SPATA21: variants seen among roughly 807,000 people sequenced by gnomAD.
The protein encoded by SPATA21 is spermatogenesis-associated protein 21.
Under a neutral mutation model 54.8 loss-of-function variants are expected in SPATA21, and 47 were observed. The observed-to-expected ratio is 0.86, with a 90% confidence interval of 0.68 to 1.09. SPATA21 has a LOEUF of 1.09. SPATA21 is among the 50% of genes least tolerant of loss of function. SPATA21 has a pLI of 0.00. For missense variants in SPATA21, 599 were observed against 596.4 expected (o/e 1.00, Z -0.05); for synonymous variants, 245 against 235.3 (o/e 1.04, Z -0.38).
At position 16,430,305 on chromosome 1, in the gene SPATA21, C is replaced by T. The variant is rs563794530; in HGVS notation, c.34+1033G>A. On this transcript the variant is annotated intron_variant, in intron 3 of 12. Coordinates refer to ENST00000335496, the MANE Select transcript of SPATA21 (RefSeq NM_198546.1). Reference sequence around the variant, plus strand: ...TAGTTGGGTATGGTGGCACAAGCCACGCCTATAGTTCCAGCTACTCAGGAG... The same window carrying T: ...TAGTTGGGTATGGTGGCACAAGCCATGCCTATAGTTCCAGCTACTCAGGAG... 3.3e-5 allele frequency among the ~76,000 whole-genome samples: 5 copies of T among 151,284 alleles called. No homozygotes were observed. The South Asian group carries it at 6.3e-4, about 19-fold the overall frequency.
intron 5 of SPATA21, among the ~76,000 whole-genome samples, chr1:16,410,569 C>T (rs552043405): frequency 6.6e-6 from 1 of 152,264 alleles, no homozygotes; most frequent in South Asian, 2.1e-4. Context: ...CACCACCATG[C>T]CCAGCTAATT....
intron 11 of SPATA21, among the ~76,000 whole-genome samples, chr1:16,399,900 G>A (rs1054154245): frequency 2.6e-5 from 4 of 152,174 alleles, no homozygotes; most frequent in Non-Finnish European, 5.9e-5. Context: ...AATGGTACCT[G>A]GGGGAAGGGA....
chr1:16,407,237 G>A (rs2085672688), intron 7 of SPATA21, among the ~76,000 whole-genome samples: 1 of 152,176 alleles, frequency 6.6e-6, no homozygotes. Context: ...AAAAACCAGA[G>A]CAACTCTCAG....
chr1:16,413,011 T>C (rs533002063), intron 5 of SPATA21, among the ~76,000 whole-genome samples: 29 of 152,032 alleles, frequency 1.9e-4, no homozygotes, highest in Admixed American at 7.2e-4. Flanking sequence ...CTGGATCTCC[T>C]GACCTCTTGA....
rs755437172 is a variant in SPATA21 at position 16,404,061 on chromosome 1, G to A, written c.812-22C>T. 7.1e-6 allele frequency: 11 copies of A among 1,550,894 alleles called. No individual in the cohort carries two copies. The South Asian group carries it at 1.3e-4, about 18-fold the overall frequency. ...TCTCCTGTGGAGGCCAGAGGAGTAGGGTGGGCAGGGACCTTCGGAGCAGGT... is the reference window on the plus strand; with the variant it reads ...TCTCCTGTGGAGGCCAGAGGAGTAGAGTGGGCAGGGACCTTCGGAGCAGGT... On this transcript the variant is annotated intron_variant, in intron 8 of 12. Coordinates refer to ENST00000335496, the MANE Select transcript of SPATA21 (RefSeq NM_198546.1).
chr1:16,421,574 C>A lies in SPATA21; in HGVS notation c.96-17G>T. The A allele has an allele frequency of 6.2e-7, 1 of 1,611,372 alleles. No individual in the cohort carries two copies. Among genetic ancestry groups the A allele is most frequent in the Non-Finnish European group, 8.5e-7 (1 of 1,178,984 alleles). On this transcript the variant is annotated splice_polypyrimidine_tract_variant and intron_variant, in intron 4 of 12. Transcript: ENST00000335496. This position sits in a 1 kb window ranked among gnomAD's most constrained non-coding sequence, Gnocchi z 5.2. The stretch of plus-strand genomic sequence containing the variant: ...GCCTCACCCCTGAATAGAAGAGAAA[C>A]CCCCAGGTGGGGGAAGCGCTCAGCT...
chr1:16,426,471 T>C (rs562509483), intron 3 of SPATA21, among the ~76,000 whole-genome samples: 67 of 147,654 alleles, frequency 4.5e-4, no homozygotes, highest in African/African-American at 1.5e-3. Flanking sequence ...GTTGTCCAGG[T>C]TGGTCTTGAA....
intron 10 of SPATA21, among the ~76,000 whole-genome samples, chr1:16,401,195 C>T (rs1570083581): frequency 2.0e-5 from 3 of 152,124 alleles, no homozygotes; most frequent in Non-Finnish European, 4.4e-5. Flanking sequence ...GTTCACATGC[C>T]GTAGGATTAA....
At chr1:16,415,336 C>CAA (rs35407415) in intron 5 of SPATA21, among the ~76,000 whole-genome samples, 5 of 149,600 alleles carry the variant, frequency 3.3e-5, no homozygotes, top group Admixed American at 6.7e-5. Context: ...ATGTGACCCT[C>CAA]AAAAAAAAAA....
intron 5 of SPATA21, chr1:16,410,796 T>A: frequency 2.6e-6 from 1 of 391,286 alleles, no homozygotes; most frequent in Non-Finnish European, 5.2e-6. Flanking sequence ...ATCCTCCGCC[T>A]TGGCCTCCCA....
At chr1:16,417,433 GT>G (rs1278491364) in intron 5 of SPATA21, among the ~76,000 whole-genome samples, 1 of 143,502 alleles carries the variant, frequency 7.0e-6, no homozygotes, top group Non-Finnish European at 1.5e-5. Context: ...TAATTTTTTT[GT>G]GGGCTTTTTT....
At chr1:16,399,977 A>G (rs959172625) in intron 11 of SPATA21, among the ~76,000 whole-genome samples, 2 of 152,092 alleles carry the variant, frequency 1.3e-5, no homozygotes, top group Non-Finnish European at 2.9e-5. Flanking sequence ...TCCCCTTTCC[A>G]AAACACTAGT....
In SPATA21 at chr1:16,427,805, C is replaced by T. The variant is rs967996063; in HGVS notation, c.34+3533G>A. The T allele has an allele frequency of 4.0e-5, 60 of 1,497,060 alleles. 1 individual carries two copies. Among genetic ancestry groups the T allele is most frequent in the African/African-American group, 3.9e-4 (28 of 71,844 alleles). The allele number at this position is 1,497,060 out of a possible 1,614,324, so 92.7% of individuals were successfully genotyped here. On this transcript the variant is annotated intron_variant, in intron 3 of 12. Transcript: ENST00000335496. The stretch of plus-strand genomic sequence containing the variant: ...TTCTCCATTCTCTCTCTCTCCCCCG[C>T]GGGTGGGCTACAGGGGGTTCTCTCT...
intron 3 of SPATA21, chr1:16,427,917 C>T: frequency 6.5e-7 from 1 of 1,550,248 alleles, no homozygotes; most frequent in Non-Finnish European, 8.7e-7. Flanking sequence ...AAGGCCCCTT[C>T]TCAAATGCAT....
At chr1:16,424,407 T>A (rs984006890) in intron 3 of SPATA21, among the ~76,000 whole-genome samples, 16 of 151,062 alleles carry the variant, frequency 1.1e-4, no homozygotes, top group African/African-American at 2.2e-4. Context: ...TTTTAAAATT[T>A]TTTATTTATT....
intron 3 of SPATA21, among the ~76,000 whole-genome samples, chr1:16,429,427 GCTGA>G (rs2086402212): frequency 6.6e-6 from 1 of 151,926 alleles, no homozygotes; most frequent in African/African-American, 2.4e-5. Context: ...ATGGCACCTG[GCTGA>G]CTTTTTATTT....
rs951937582 is a variant in SPATA21, at chr1:16,403,912, A to G, written c.883+56T>C. ...CTGAATGCCCTCTTCTCTCCCCGCA[A>G]CCAACCTCCCAGCCCCTCCTCCAGT... On this transcript the variant is annotated intron_variant, in intron 9 of 12. Coordinates refer to ENST00000335496, the MANE Select transcript of SPATA21 (RefSeq NM_198546.1). The G allele has an allele frequency of 3.7e-6, 6 of 1,612,970 alleles. No individual in the cohort carries two copies. The African/African-American group carries it at 6.7e-5, about 18-fold the overall frequency.
chr1:16,403,018 G>A (rs1205126946), intron 10 of SPATA21, among the ~76,000 whole-genome samples: 1 of 152,206 alleles, frequency 6.6e-6, no homozygotes, highest in Non-Finnish European at 1.5e-5. Context: ...TCTGAGGCAT[G>A]AGGGCCTGAA....
chr1:16,403,658 CA>C (rs2085529456), intron 10 of SPATA21, 68 bp downstream of exon 10: 1 of 1,388,098 alleles, frequency 7.2e-7, no homozygotes, highest in Non-Finnish European at 1.0e-6. Context: ...CAAAAGTTCT[CA>C]GTGCCAAAAT....
Sources: allele counts gnomAD v4.1 joint callset (sites outside exome capture counted in the v4.1 genomes callset), GRCh38; gene constraint gnomAD v4.1.1; non-coding constraint Gnocchi (gnomAD v3.1); transcripts MANE v1.5; gene names NCBI Gene and HGNC (gene_info 2026-07-23, HGNC 2026-07-21).